PCSK6: variants seen among roughly 807,000 people sequenced by gnomAD.
PCSK6 encodes proprotein convertase subtilisin/kexin type 6.
Under a neutral mutation model 123.3 loss-of-function variants are expected in PCSK6, and 85 were observed. That is an observed-to-expected ratio of 0.69 (90% confidence interval 0.58 to 0.83). The LOEUF is 0.83. Among genes scored for constraint, PCSK6 ranks in the 40% least tolerant of loss-of-function variants. PCSK6 has a pLI of 0.00. For synonymous variants in PCSK6, 508 were observed against 516.0 expected (o/e 0.98, Z 0.21); for missense variants, 1,191 against 1,282.3 (o/e 0.93, Z 1.09).
intron 19 of PCSK6, among the ~76,000 whole-genome samples, chr15:101,314,461 ACCT>A (rs1488812082): frequency 1.3e-5 from 2 of 151,710 alleles, no homozygotes; most frequent in Non-Finnish European, 2.9e-5. Context: ...GCCCAGGTAA[ACCT>A]CCTCACAGCT....
At chr15:101,332,566 C>T (rs188585196) in intron 13 of PCSK6, among the ~76,000 whole-genome samples, 1 of 152,354 alleles carries the variant, frequency 6.6e-6, no homozygotes, top group East Asian at 1.9e-4. Context: ...CTCTCCTCCA[C>T]AGCTAGCCCA....
intron 20 of PCSK6, chr15:101,312,185 G>GTCACCCCTCACAGCTCACCCCATCA (rs1567136082): frequency 5.4e-5 from 5 of 91,936 alleles, no homozygotes; most frequent in African/African-American, 3.9e-4. Context: ...TCACCCCATC[G>GTCACCCCTCACAGCTCACCCCATCA]TCACACCCTC....
chr15:101,469,030 C>A (rs184436758), intron 1 of PCSK6, among the ~76,000 whole-genome samples: 8 of 152,328 alleles, frequency 5.3e-5, no homozygotes, highest in Non-Finnish European at 8.8e-5. Context: ...CTCTTCTGAT[C>A]TCAAAGTTCT....
chr15:101,442,378 A>G (rs1567224287), intron 2 of PCSK6, among the ~76,000 whole-genome samples: 1 of 152,174 alleles, frequency 6.6e-6, no homozygotes, highest in East Asian at 1.9e-4. Context: ...TATATTCAAG[A>G]CAAGTCTGTC....
At chr15:101,429,542 C>A (rs1290614197) in intron 5 of PCSK6, among the ~76,000 whole-genome samples, 1 of 152,128 alleles carries the variant, frequency 6.6e-6, no homozygotes, top group East Asian at 1.9e-4. Flanking sequence ...GCGATCTGAA[C>A]CTGGGTCTAT....
At chr15:101,366,140 G>A in intron 13 of PCSK6, 56 bp downstream of exon 13, 14 of 1,551,576 alleles carry the variant, frequency 9.0e-6, no homozygotes, top group Non-Finnish European at 1.2e-5. Context: ...AAGGCCCAGA[G>A]GTAAAAAGAG....
chr15:101,379,844 C>CAG (rs1290795845), intron 11 of PCSK6, among the ~76,000 whole-genome samples: 1 of 152,202 alleles, frequency 6.6e-6, no homozygotes, highest in Non-Finnish European at 1.5e-5. Context: ...GACCTGCAGG[C>CAG]AGGCTCAGTG....
intron 8 of PCSK6, among the ~76,000 whole-genome samples, chr15:101,389,977 C>G (rs2042177956): frequency 6.6e-6 from 1 of 152,222 alleles, no homozygotes; most frequent in Admixed American, 6.5e-5. Context: ...GCAAAACCAT[C>G]AGAGTCCACA....
intron 13 of PCSK6, among the ~76,000 whole-genome samples, chr15:101,345,016 G>C (rs980692281): frequency 1.3e-5 from 2 of 152,182 alleles, no homozygotes; most frequent in African/African-American, 4.8e-5. Context: ...AACTACTGAA[G>C]TTATTGGACT....
intron 15 of PCSK6, among the ~76,000 whole-genome samples, chr15:101,329,426 C>T (rs987341215): frequency 2.0e-5 from 3 of 152,180 alleles, no homozygotes. Flanking sequence ...AAGACTTGGG[C>T]CGATTAATTG....
intron 21 of PCSK6, 124 bp downstream of exon 21, chr15:101,307,088 CA>C (rs1476826083): frequency 3.0e-6 from 2 of 676,864 alleles, no homozygotes; most frequent in African/African-American, 3.5e-5. Flanking sequence ...TCAATCGGAT[CA>C]GGGGCACGAA....
intron 18 of PCSK6, among the ~76,000 whole-genome samples, chr15:101,322,305 C>T (rs1016653121): frequency 6.6e-5 from 10 of 152,170 alleles, no homozygotes; most frequent in Non-Finnish European, 1.5e-5. Flanking sequence ...TTGCCCAATT[C>T]GCCCATGTTG....
intron 1 of PCSK6, among the ~76,000 whole-genome samples, chr15:101,480,177 C>G (rs925719415): frequency 1.3e-5 from 2 of 152,240 alleles, no homozygotes; most frequent in Non-Finnish European, 2.9e-5. Flanking sequence ...TCTGCCCACT[C>G]TCACTGAGAA....
At position 101,313,462 on chromosome 15, in the gene PCSK6, G is replaced by A; in HGVS notation, c.2613C>T (p.His871=). 1 of 1,611,304 alleles carries A rather than the reference G, an allele frequency of 6.2e-7. No individual in the cohort carries two copies. The highest frequency in any genetic ancestry group is 8.5e-7 in the Non-Finnish European group (1 of 1,179,806). The change falls in exon 20 of 22, where the codon CAC becomes CAT. Residue 871 remains histidine, a synonymous_variant. Coordinates refer to ENST00000611716, the MANE Select transcript of PCSK6 (RefSeq NM_002570.5). ...EECIHCAKNF[H]FHDWKCVPAC... ...CTGGCACACACTTCCAGTCGTGGAA[G>A]TGGAAGTTTTTCGCACAGTGAATGC...
At chr15:101,362,148 G>A (rs1026311941) in intron 13 of PCSK6, among the ~76,000 whole-genome samples, 14 of 152,024 alleles carry the variant, frequency 9.2e-5, no homozygotes, top group Non-Finnish European at 1.8e-4. Flanking sequence ...AGTAGAGATG[G>A]GGTTTCACCA....
chr15:101,483,189 C>T (rs192175017), intron 1 of PCSK6, among the ~76,000 whole-genome samples: 3 of 152,182 alleles, frequency 2.0e-5, no homozygotes, highest in Non-Finnish European at 2.9e-5. Flanking sequence ...ACTGCTCTTC[C>T]GGGTCTCCCC....
intron 17 of PCSK6, among the ~76,000 whole-genome samples, chr15:101,323,777 C>T (rs1052913325): frequency 1.2e-4 from 18 of 150,372 alleles, no homozygotes; most frequent in South Asian, 1.0e-3. Flanking sequence ...TGGCTTTATA[C>T]GTCTTTTAAG....
chr15:101,456,884 A>G (rs1452762444), intron 1 of PCSK6, among the ~76,000 whole-genome samples: 2 of 152,172 alleles, frequency 1.3e-5, no homozygotes, highest in Admixed American at 6.5e-5. Context: ...GAGTATCAAG[A>G]TCTCAGCTTG....
chr15:101,390,878 A>C (rs1001016744), intron 8 of PCSK6, among the ~76,000 whole-genome samples: 6 of 152,176 alleles, frequency 3.9e-5, no homozygotes, highest in Non-Finnish European at 8.8e-5. Flanking sequence ...AGTTTGTGAT[A>C]ATTTGTTATG....
Sources: allele counts gnomAD v4.1 joint callset (sites outside exome capture counted in the v4.1 genomes callset), GRCh38; gene constraint gnomAD v4.1.1; transcripts MANE v1.5; gene names NCBI Gene and HGNC (gene_info 2026-07-23, HGNC 2026-07-21).